SAMD3: variants seen among roughly 807,000 people sequenced by gnomAD.
The protein encoded by SAMD3 is sterile alpha motif domain-containing protein 3.
A neutral mutation model predicts 58.5 loss-of-function variants in SAMD3; 63 were observed. The observed-to-expected ratio is 1.08, with a 90% CI of 0.88 to 1.33. The LOEUF is 1.33. Among genes scored for constraint, SAMD3 ranks in the 40% most tolerant of loss-of-function variants. The probability of loss-of-function intolerance (pLI) is 0.00; values close to 1 mark genes in which losing one functional copy is unlikely to be tolerated. For missense variants in SAMD3, 604 were observed against 608.4 expected (o/e 0.99, Z 0.08); for synonymous variants, 220 against 210.3 (o/e 1.05, Z -0.40).
At chr6:130,279,436 G>T (rs952137500) in intron 2 of SAMD3, among the ~76,000 whole-genome samples, 1 of 149,564 alleles carries the variant, frequency 6.7e-6, no homozygotes, top group Non-Finnish European at 1.5e-5. Context: ...CTCCATGATT[G>T]TAAGTTTCCT....
At chr6:130,303,412 G>A (rs1775816506) in intron 2 of SAMD3, among the ~76,000 whole-genome samples, 2 of 152,094 alleles carry the variant, frequency 1.3e-5, no homozygotes, top group African/African-American at 2.4e-5. Context: ...CTCCATTTAG[G>A]TACTTAATAG....
intron 1 of SAMD3, among the ~76,000 whole-genome samples, chr6:130,354,895 A>G (rs1171573870): frequency 6.6e-6 from 1 of 152,186 alleles, no homozygotes; most frequent in Non-Finnish European, 1.5e-5. Flanking sequence ...CTCCTTTGAG[A>G]CCTGCTAACC....
At chr6:130,255,059 G>C (rs1342534358) in intron 2 of SAMD3, among the ~76,000 whole-genome samples, 1 of 152,052 alleles carries the variant, frequency 6.6e-6, no homozygotes, top group Admixed American at 6.6e-5. Context: ...TGACCTATTT[G>C]TTGTTCAGGA....
intron 2 of SAMD3, among the ~76,000 whole-genome samples, chr6:130,235,707 T>C (rs1215087796): frequency 2.6e-5 from 4 of 152,228 alleles, no homozygotes; most frequent in Non-Finnish European, 5.9e-5. Flanking sequence ...CTTCTCAGTA[T>C]TCAAAAATGT....
rs149713410 is a variant in SAMD3, at chr6:130,148,627, C to G, written c.1024-2446G>C. 2.1e-3 allele frequency among the ~76,000 whole-genome samples: 314 copies of G among 152,280 alleles called. 1 individual carries two copies. Among genetic ancestry groups the G allele is most frequent in the African/African-American group, 7.4e-3 (306 of 41,542 alleles). On this transcript the variant is annotated intron_variant, in intron 9 of 11. Coordinates refer to ENST00000439090, the MANE Select transcript of SAMD3 (RefSeq NM_001017373.4). ...GTGGCTCATGCCTATAATCCTAGCA[C>G]TTTGGGAGGCCAGGGCAGAAGGATC...
rs571033885 is a variant in SAMD3, at chr6:130,221,096, T to C, written c.-68+1598A>G. ...GTCTCGATCTCCTGACCTTGTGATCTGCCCACCTTGGCCTCCCAAAGTGCT... is the reference window on the plus strand; with the variant it reads ...GTCTCGATCTCCTGACCTTGTGATCCGCCCACCTTGGCCTCCCAAAGTGCT... On this transcript the variant is annotated intron_variant, in intron 1 of 11. Transcript: ENST00000439090. Among the ~76,000 whole-genome samples the C allele has an allele frequency of 2.4e-3, 358 of 152,062 alleles. 1 individual carries two copies. The highest frequency in any genetic ancestry group is 0.017 in the Middle Eastern group (5 of 294).
At chr6:130,221,389 A>C (rs1796218835) in intron 1 of SAMD3, 1 of 152,552 alleles carries the variant, frequency 6.6e-6, no homozygotes. Flanking sequence ...GGACCCTTGA[A>C]CGACACAGGG....
chr6:130,143,136 C>T (rs1788359784), downstream of SAMD3: 1 of 152,178 alleles, frequency 6.6e-6, no homozygotes, highest in Non-Finnish European at 1.5e-5. Context: ...AGAAAGATAT[C>T]TAGCAGGCTG....
upstream of SAMD3, among the ~76,000 whole-genome samples, chr6:130,224,592 T>TTTTTTA (rs1554264488): frequency 2.8e-5 from 4 of 143,878 alleles, no homozygotes; most frequent in South Asian, 2.2e-4. Context: ...ACTCTATTTA[T>TTTTTTA]TTATTATTAT....
chr6:130,351,729 T>C (rs934648460), intron 1 of SAMD3, among the ~76,000 whole-genome samples: 6 of 152,118 alleles, frequency 3.9e-5, no homozygotes, highest in South Asian at 2.1e-4. Context: ...ACCCAAAGGA[T>C]TATAAAACAT....
intron 2 of SAMD3, among the ~76,000 whole-genome samples, chr6:130,229,771 C>T (rs1796490068): frequency 6.6e-6 from 1 of 152,214 alleles, no homozygotes; most frequent in South Asian, 2.1e-4. Flanking sequence ...GCGCTTAGTG[C>T]TACGTTTGGC....
Position 130,186,315 on chromosome 6 carries a change from T to G in SAMD3, c.384-1692A>C, listed in dbSNP as rs1381820400. On this transcript the variant is annotated intron_variant, in intron 5 of 11. Transcript: ENST00000439090. ...TTCTTTTAGCATTTTAGGTCATCCT[T>G]TATAAGAATGCACGAGCTATAATGT... Among the ~76,000 whole-genome samples, 6 of 152,292 alleles carry G rather than the reference T, an allele frequency of 3.9e-5. No homozygotes were observed. The East Asian group carries it at 1.2e-3, about 29-fold the overall frequency.
intron 2 of SAMD3, among the ~76,000 whole-genome samples, chr6:130,254,512 A>G (rs1379693230): frequency 6.6e-6 from 1 of 151,556 alleles, no homozygotes; most frequent in Non-Finnish European, 1.5e-5. Context: ...TATTTTTAGT[A>G]GAGATAAGGT....
At chr6:130,329,526 A>G (rs1776862063) in intron 1 of SAMD3, among the ~76,000 whole-genome samples, 1 of 152,172 alleles carries the variant, frequency 6.6e-6, no homozygotes, top group Non-Finnish European at 1.5e-5. Flanking sequence ...AAGGATCTGG[A>G]ACCAGAAATA....
chr6:130,180,651 T>C (rs1477200819), intron 7 of SAMD3, among the ~76,000 whole-genome samples: 2 of 152,200 alleles, frequency 1.3e-5, no homozygotes, highest in Non-Finnish European at 2.9e-5. Flanking sequence ...TGTTTTGTTT[T>C]TTAAGAGAAA....
At chr6:130,198,702 G>C (rs1355944877) in intron 5 of SAMD3, among the ~76,000 whole-genome samples, 2 of 152,200 alleles carry the variant, frequency 1.3e-5, no homozygotes, top group Admixed American at 1.3e-4. Flanking sequence ...TAGAGAGGCA[G>C]ATCTAGAGAC....
At chr6:130,150,472 G>T (rs1789056451) in intron 9 of SAMD3, among the ~76,000 whole-genome samples, 1 of 152,158 alleles carries the variant, frequency 6.6e-6, no homozygotes, top group African/African-American at 2.4e-5. Context: ...ATTAAATTAT[G>T]TTCCTTTAAA....
chr6:130,298,842 A>G (rs911794629), intron 2 of SAMD3, among the ~76,000 whole-genome samples: 18 of 152,328 alleles, frequency 1.2e-4, no homozygotes, highest in African/African-American at 4.3e-4. Context: ...TTTATATCAG[A>G]TAAAACAGAC....
At chr6:130,321,160 CA>C (rs1304933996) in intron 1 of SAMD3, among the ~76,000 whole-genome samples, 4 of 152,228 alleles carry the variant, frequency 2.6e-5, no homozygotes, top group Non-Finnish European at 5.9e-5. Flanking sequence ...AATGAGGTTA[CA>C]AAAAGAGTCT....
Sources: allele counts gnomAD v4.1 joint callset (sites outside exome capture counted in the v4.1 genomes callset), GRCh38; gene constraint gnomAD v4.1.1; transcripts MANE v1.5; gene names NCBI Gene and HGNC (gene_info 2026-07-23, HGNC 2026-07-21).